Variants in HHIPL1 observed in about 807,000 individuals in gnomAD.
HHIPL1 encodes the protein HHIP-like protein 1.
In HHIPL1, 43 loss-of-function variants were observed where a neutral mutation model predicts 61.8. The observed-to-expected ratio is 0.70, with a 90% confidence interval of 0.55 to 0.90. The LOEUF is 0.90. Ranked by LOEUF, HHIPL1 falls within the 40% of genes least tolerant of loss-of-function variation. The pLI is 0.00. For synonymous variants in HHIPL1, 482 were observed against 515.8 expected, an observed-to-expected ratio of 0.93 and a Z score of 0.89; for missense variants, 1,056 against 1,157.7, an observed-to-expected ratio of 0.91 and a Z score of 1.28.
the HHIPL1 span, chr14:99,604,749 T>C: frequency 6.6e-6 from 1 of 151,978 alleles, no homozygotes; most frequent in East Asian, 2.0e-4. Flanking sequence ...GATAAACAAA[T>C]ACCCACGATC....
At chr14:99,642,067 G>C (rs1409672752), upstream of HHIPL1, among the ~76,000 whole-genome samples, 2 of 151,720 alleles carry the variant, frequency 1.3e-5, no homozygotes, top group Non-Finnish European at 2.9e-5. Context: ...AGCCTCCCGA[G>C]TAGCTGGGAT....
the HHIPL1 span, among the ~76,000 whole-genome samples, chr14:99,623,408 C>T: frequency 6.6e-6 from 1 of 152,060 alleles, no homozygotes; most frequent in Admixed American, 6.6e-5. Flanking sequence ...GTTGAGATGA[C>T]AATAGACACT....
Position 99,676,727 on chromosome 14 carries a change from A to G in HHIPL1, c.*1101A>G, listed in dbSNP as rs907954812. ...CTGTGTGGGAGCCGGGGTGGGAACCAGGAGAAAGGGGTGAGGCCTCCCGCT... is the reference window on the plus strand; with the variant it reads ...CTGTGTGGGAGCCGGGGTGGGAACCGGGAGAAAGGGGTGAGGCCTCCCGCT... On this transcript the variant is annotated 3_prime_UTR_variant, in exon 9 of 9. Coordinates refer to ENST00000330710, the MANE Select transcript of HHIPL1 (RefSeq NM_001127258.3). 23 of 152,244 alleles carry G rather than the reference A, an allele frequency of 1.5e-4. No individual in the cohort carries two copies. The highest frequency in any genetic ancestry group is 5.3e-4 in the African/African-American group (22 of 41,442). The allele number at this position is 152,244 out of a possible 1,614,324, so 9.4% of individuals were successfully genotyped here.
At chr14:99,653,943 C>A (rs2055983042) in intron 2 of HHIPL1, among the ~76,000 whole-genome samples, 1 of 152,302 alleles carries the variant, frequency 6.6e-6, no homozygotes, top group African/African-American at 2.4e-5. Context: ...AATCTCAGCA[C>A]TTTGAGAGGC....
chr14:99,646,711 T>C (rs2055839447), intron 1 of HHIPL1, among the ~76,000 whole-genome samples: 1 of 151,348 alleles, frequency 6.6e-6, no homozygotes, highest in Non-Finnish European at 1.5e-5. Context: ...GAGGCAGAGG[T>C]TGCAGTGAGC....
At chr14:99,605,391 G>GGC in the HHIPL1 span, among the ~76,000 whole-genome samples, 82 of 151,262 alleles carry the variant, frequency 5.4e-4, 3 homozygotes, top group African/African-American at 1.9e-3. Flanking sequence ...GCGGGGCGGG[G>GGC]GGGGGTCCCT....
At chr14:99,638,224 C>G in the HHIPL1 span, among the ~76,000 whole-genome samples, 1 of 152,212 alleles carries the variant, frequency 6.6e-6, no homozygotes, top group Non-Finnish European at 1.5e-5. Context: ...CCAGCACTCA[C>G]GAGATGGGTC....
At position 99,657,849 on chromosome 14, in the gene HHIPL1, TACACACAATAC is replaced by T. The variant is rs534008355; in HGVS notation, c.1046+714_1046+724del. Among the ~76,000 whole-genome samples the T allele has an allele frequency of 1.8e-3, 272 of 151,372 alleles. 2 individuals are homozygous for T. Among genetic ancestry groups the T allele is most frequent in the Middle Eastern group, 0.01 (3 of 292 alleles). On this transcript the variant is annotated intron_variant, in intron 3 of 8. Transcript: ENST00000330710. ...CACATTCACATATGCACATACCACA[TACACACAATAC>T]ACACACATATACACACACATCCACA...
At chr14:99,621,818 C>G in the HHIPL1 span, among the ~76,000 whole-genome samples, 1 of 134,792 alleles carries the variant, frequency 7.4e-6, no homozygotes. Context: ...CAGGTTCAAG[C>G]GATTCTCCTG....
chr14:99,643,529 C>G (rs2055780447), upstream of HHIPL1, among the ~76,000 whole-genome samples: 1 of 152,208 alleles, frequency 6.6e-6, no homozygotes, highest in Admixed American at 6.5e-5. Context: ...GGCTGTGGCC[C>G]AGGCTCTGTG....
the HHIPL1 span, among the ~76,000 whole-genome samples, chr14:99,631,775 C>A: frequency 6.6e-6 from 1 of 152,154 alleles, no homozygotes; most frequent in African/African-American, 2.4e-5. Flanking sequence ...CGCCACCATG[C>A]CCAGCCTTCA....
intron 8 of HHIPL1, among the ~76,000 whole-genome samples, chr14:99,674,227 AAC>A (rs1298706955): frequency 1.3e-5 from 2 of 152,086 alleles, no homozygotes; most frequent in East Asian, 3.9e-4. Context: ...ATAGTAATTG[AAC>A]AGTCTTGGGC....
At chr14:99,611,676 C>T in the HHIPL1 span, among the ~76,000 whole-genome samples, 3 of 150,802 alleles carry the variant, frequency 2.0e-5, no homozygotes, top group Non-Finnish European at 4.4e-5. Context: ...GATCCTCCTG[C>T]CTCAGCCTCC....
chr14:99,659,524 C>A lies in HHIPL1; in HGVS notation c.1143C>A (p.Asp381Glu). ...CGCCCGACAACCCGTTCGTGGGCGACCCCGCGGCGCAGCCCGAGGTCTACG... is the reference window on the plus strand; with the variant it reads ...CGCCCGACAACCCGTTCGTGGGCGAACCCGCGGCGCAGCCCGAGGTCTACG... ...GIPPDNPFVG[D>E]PAAQPEVYAL... The change falls in exon 4 of 9, where the codon GAC becomes GAA. Residue 381 changes from aspartate to glutamate, a missense_variant. Coordinates refer to ENST00000330710, the MANE Select transcript of HHIPL1 (RefSeq NM_001127258.3). 6.5e-7 allele frequency: 1 copy of A among 1,542,772 alleles called. No individual in the cohort carries two copies. Among genetic ancestry groups the A allele is most frequent in the African/African-American group, 1.4e-5 (1 of 72,284 alleles).
At chr14:99,644,927 G>A (rs2055803038), upstream of HHIPL1, among the ~76,000 whole-genome samples, 1 of 152,170 alleles carries the variant, frequency 6.6e-6, no homozygotes, top group Non-Finnish European at 1.5e-5. Context: ...GGCCCCAGGC[G>A]GAACCGGGAA....
the HHIPL1 span, among the ~76,000 whole-genome samples, chr14:99,622,046 G>T: frequency 6.6e-6 from 1 of 151,738 alleles, no homozygotes; most frequent in African/African-American, 2.4e-5. Context: ...AATTCAGGAG[G>T]CGGGGGAAAA....
At chr14:99,657,186 C>T in intron 3 of HHIPL1, 43 bp downstream of exon 3, 1 of 1,600,792 alleles carries the variant, frequency 6.2e-7, no homozygotes, top group Non-Finnish European at 8.5e-7. Flanking sequence ...GTCTCCATAT[C>T]CCTGGGCTTC....
chr14:99,635,694 C>T, the HHIPL1 span, among the ~76,000 whole-genome samples: 8 of 152,114 alleles, frequency 5.3e-5, no homozygotes, highest in Admixed American at 4.6e-4. Flanking sequence ...CAAGAGGCTG[C>T]ACGCAGGCCC....
chr14:99,631,578 G>A, the HHIPL1 span, among the ~76,000 whole-genome samples: 1 of 152,170 alleles, frequency 6.6e-6, no homozygotes, highest in Non-Finnish European at 1.5e-5. Flanking sequence ...GACTAGGCAT[G>A]ATCTGAGGGT....
Sources: gnomAD v4.1 joint callset for allele counts (sites outside exome capture counted in the v4.1 genomes callset) on GRCh38, gnomAD v4.1.1 for gene constraint, MANE v1.5 for transcripts, NCBI Gene and HGNC (gene_info 2026-07-23, HGNC 2026-07-21) for gene names.